Variants in CTNNA3 observed in about 807,000 individuals in gnomAD.
The protein encoded by CTNNA3 is catenin alpha-3.
A neutral mutation model predicts 95.7 loss-of-function variants in CTNNA3; 76 were observed. That is an observed-to-expected ratio of 0.79 (90% CI 0.66 to 0.96). The LOEUF (loss-of-function observed/expected upper bound fraction) is 0.96, where lower values mean the gene tolerates loss of function less well. Among genes scored for constraint, CTNNA3 ranks in the 40% least tolerant of loss-of-function variants. CTNNA3 has a pLI of 0.00. For missense variants in CTNNA3, 1,191 were observed against 1,089.8 expected (o/e 1.09, Z -1.31); for synonymous variants, 431 against 374.4 (o/e 1.15, Z -1.74).
intron 11 of CTNNA3, among the ~76,000 whole-genome samples, chr10:66,407,838 C>G (rs1030509590): frequency 3.2e-4 from 49 of 152,314 alleles, no homozygotes; most frequent in Middle Eastern, 6.8e-3. Context: ...CCTGGCCTCC[C>G]AAAGTGCTGG....
chr10:67,337,700 A>G (rs1166199770), intron 5 of CTNNA3, among the ~76,000 whole-genome samples: 1 of 152,162 alleles, frequency 6.6e-6, no homozygotes, highest in Non-Finnish European at 1.5e-5. Flanking sequence ...GCCACCCAAC[A>G]TACGGCAACT....
rs931460060 is a variant in CTNNA3, at chr10:66,329,227, G to A, written c.1733-48606C>T. 2.0e-4 allele frequency among the ~76,000 whole-genome samples: 30 copies of A among 151,626 alleles called. 2 individuals are homozygous for A. The highest frequency in any genetic ancestry group is 1.2e-3 in the Admixed American group (19 of 15,220). On this transcript the variant is annotated intron_variant, in intron 12 of 17. Coordinates refer to ENST00000433211, the MANE Select transcript of CTNNA3 (RefSeq NM_013266.4). ...CAGCCTCCTAAAGTGCTGGGATTAC[G>A]GGGTGAGCCACGGCGCCCAGCCAAA...
Position 66,520,642 on chromosome 10 carries a change from G to C in CTNNA3, c.1506C>G (p.Ser502Arg). ...CAGATACAGCAAGGAAGTCATCAATGCTTGTAATGTCATCTACGGCTTCAG... is the reference window on the plus strand; with the variant it reads ...CAGATACAGCAAGGAAGTCATCAATCCTTGTAATGTCATCTACGGCTTCAG... ...VLTEAVDDIT[S>R]IDDFLAVSES... Residue 502 changes from serine to arginine, a missense_variant, in exon 11 of 18, where the codon AGC (serine) becomes AGG (arginine). Coordinates refer to ENST00000433211, the MANE Select transcript of CTNNA3 (RefSeq NM_013266.4). 3 of 1,608,740 alleles carry C rather than the reference G, an allele frequency of 1.9e-6. No individual in the cohort carries two copies. The South Asian group carries it at 3.3e-5, about 18-fold the overall frequency.
At chr10:66,806,756 ATGTGTG>A (rs57749652) in intron 7 of CTNNA3, among the ~76,000 whole-genome samples, 4,143 of 145,776 alleles carry the variant, frequency 0.028, 135 homozygotes, top group African/African-American at 0.078. Flanking sequence ...TGTGGCATAT[ATGTGTG>A]TGTGTGTGTG....
chr10:66,914,728 C>T (rs1846397838), intron 7 of CTNNA3, among the ~76,000 whole-genome samples: 1 of 152,092 alleles, frequency 6.6e-6, no homozygotes, highest in Non-Finnish European at 1.5e-5. Context: ...CTGTAAAAGG[C>T]CACGTAGTAA....
chr10:66,972,746 T>C (rs1367157974), intron 7 of CTNNA3, among the ~76,000 whole-genome samples: 3 of 143,836 alleles, frequency 2.1e-5, no homozygotes, highest in Non-Finnish European at 4.5e-5. Context: ...AGTCTGGCTC[T>C]GTCACCCAGG....
chr10:66,695,265 C>G (rs1847714002), intron 9 of CTNNA3, among the ~76,000 whole-genome samples: 1 of 152,114 alleles, frequency 6.6e-6, no homozygotes, highest in Admixed American at 6.6e-5. Flanking sequence ...TCCCAGACAC[C>G]ATGGCTGGGA....
chr10:67,057,810 T>C (rs2133207891), intron 7 of CTNNA3, among the ~76,000 whole-genome samples: 1 of 152,276 alleles, frequency 6.6e-6, no homozygotes, highest in African/African-American at 2.4e-5. Flanking sequence ...TGTCTCAGTC[T>C]CTTTTGCCAT....
chr10:66,287,006 T>C (rs1184919970), intron 12 of CTNNA3, among the ~76,000 whole-genome samples: 1 of 152,098 alleles, frequency 6.6e-6, no homozygotes, highest in Non-Finnish European at 1.5e-5. Context: ...TAATTTGAAA[T>C]CAGATTCAGT....
At chr10:66,632,273 GCTGGGTACGGTGGCTCACGT>G (rs1845164447) in intron 9 of CTNNA3, among the ~76,000 whole-genome samples, 1 of 152,040 alleles carries the variant, frequency 6.6e-6, no homozygotes, top group Admixed American at 6.6e-5. Flanking sequence ...TGGGGAATGG[GCTGGGTACGGTGGCTCACGT>G]CTGTAATCCC....
At chr10:67,183,988 A>T (rs1208472440) in intron 6 of CTNNA3, among the ~76,000 whole-genome samples, 1 of 152,166 alleles carries the variant, frequency 6.6e-6, no homozygotes, top group Non-Finnish European at 1.5e-5. Flanking sequence ...AAGGAGCCAA[A>T]TCGGGACTGT....
chr10:67,406,092 G>A (rs954008127), intron 5 of CTNNA3, among the ~76,000 whole-genome samples: 1 of 152,228 alleles, frequency 6.6e-6, no homozygotes, highest in South Asian at 2.1e-4. Context: ...ATAAGAATCT[G>A]ACATTTCCCC....
chr10:67,526,540 A>G (rs1015670945), intron 4 of CTNNA3, among the ~76,000 whole-genome samples: 4 of 152,174 alleles, frequency 2.6e-5, no homozygotes, highest in African/African-American at 9.7e-5. Context: ...TATTATTCCA[A>G]TTTTGATTGT....
At chr10:67,665,001 T>C (rs747825629) in intron 1 of CTNNA3, among the ~76,000 whole-genome samples, 1 of 152,242 alleles carries the variant, frequency 6.6e-6, no homozygotes, top group Non-Finnish European at 1.5e-5. Flanking sequence ...ACAAATAACC[T>C]ACTCGCTGTA....
At chr10:66,266,470 T>G (rs781264608) in intron 13 of CTNNA3, among the ~76,000 whole-genome samples, 8 of 152,088 alleles carry the variant, frequency 5.3e-5, no homozygotes, top group Non-Finnish European at 1.2e-4. Context: ...CATTAATTGG[T>G]GAGTTCATAT....
intron 12 of CTNNA3, among the ~76,000 whole-genome samples, chr10:66,306,104 G>GA (rs951935598): frequency 6.6e-6 from 1 of 152,150 alleles, no homozygotes; most frequent in African/African-American, 2.4e-5. Flanking sequence ...TAAAGGGTTA[G>GA]AAAAAAATCC....
chr10:67,414,943 A>T (rs540153404), intron 5 of CTNNA3, among the ~76,000 whole-genome samples: 1 of 152,362 alleles, frequency 6.6e-6, no homozygotes, highest in East Asian at 1.9e-4. Context: ...GATGCAGAGA[A>T]ACCTTTTGAT....
chr10:66,566,296 T>A (rs948030558), intron 10 of CTNNA3, among the ~76,000 whole-genome samples: 1 of 152,148 alleles, frequency 6.6e-6, no homozygotes, highest in Admixed American at 6.5e-5. Flanking sequence ...ATTTGGTGAC[T>A]GATGGGGGAG....
intron 5 of CTNNA3, among the ~76,000 whole-genome samples, chr10:67,443,143 G>A (rs1846595157): frequency 6.7e-6 from 1 of 149,382 alleles, no homozygotes; most frequent in South Asian, 2.1e-4. Flanking sequence ...TTTTATGGCT[G>A]CATAGTATTC....
Sources: gnomAD v4.1 joint callset for allele counts (sites outside exome capture counted in the v4.1 genomes callset) on GRCh38, gnomAD v4.1.1 for gene constraint, MANE v1.5 for transcripts, NCBI Gene and HGNC (gene_info 2026-07-23, HGNC 2026-07-21) for gene names.